NALF1: variants seen among roughly 807,000 people sequenced by gnomAD.
NALF1 encodes the protein family with sequence similarity 155 member A.
A neutral mutation model predicts 48.4 loss-of-function variants in NALF1; 3 were observed. The observed-to-expected ratio is 0.06, with a 90% CI of 0.03 to 0.16. The LOEUF (loss-of-function observed/expected upper bound fraction) is 0.16. Ranked by LOEUF, NALF1 falls within the 10% of genes least tolerant of loss-of-function variation. The pLI is 1.00. For synonymous variants in NALF1, 262 were observed against 245.7 expected (o/e 1.07, Z -0.62); for missense variants, 526 against 571.5 (o/e 0.92, Z 0.81).
rs1222271810 is a variant in NALF1, at chr13:107,753,449, T to TTGC, written c.915+112232_915+112233insGCA. Reference sequence around the variant, plus strand: ...ATCTTCTTTGTTGTTGTTGTTGTTGTACCAATGTAAATAGTGTGTTTGGTC... The same window carrying TTGC: ...ATCTTCTTTGTTGTTGTTGTTGTTGTTGCACCAATGTAAATAGTGTGTTTGGTC... On this transcript the variant is annotated intron_variant, in intron 1 of 2. Coordinates refer to ENST00000375915, the MANE Select transcript of NALF1 (RefSeq NM_001080396.3). 2.0e-5 allele frequency among the ~76,000 whole-genome samples: 3 copies of TTGC among 151,946 alleles called. No homozygotes were observed. In the East Asian group the frequency reaches 5.8e-4, roughly 29 times the overall value.
intron 1 of NALF1, among the ~76,000 whole-genome samples, chr13:107,653,751 T>C (rs1880505897): frequency 1.3e-5 from 2 of 151,860 alleles, no homozygotes; most frequent in Non-Finnish European, 2.9e-5. Context: ...GAGGTCAAAA[T>C]TACTTGACTC....
chr13:107,602,367 G>A (rs958178485), intron 1 of NALF1, among the ~76,000 whole-genome samples: 4 of 152,104 alleles, frequency 2.6e-5, no homozygotes, highest in Non-Finnish European at 2.9e-5. Flanking sequence ...AGGCACACTC[G>A]ACTAAAATAA....
chr13:107,592,518 G>A (rs1878627549), intron 1 of NALF1, among the ~76,000 whole-genome samples: 2 of 151,780 alleles, frequency 1.3e-5, no homozygotes, highest in African/African-American at 4.8e-5. Context: ...TAAGAAGAAG[G>A]GAAGTACTGG....
intron 1 of NALF1, among the ~76,000 whole-genome samples, chr13:107,462,627 A>T (rs962315535): frequency 8.5e-5 from 13 of 152,318 alleles, no homozygotes; most frequent in Admixed American, 7.2e-4. Context: ...GGCTCCTGGG[A>T]CATGCCCTCT....
chr13:107,360,908 G>A (rs1273007108), intron 1 of NALF1, among the ~76,000 whole-genome samples: 1 of 151,690 alleles, frequency 6.6e-6, no homozygotes, highest in Non-Finnish European at 1.5e-5. Flanking sequence ...GGCTAATAAA[G>A]CCTACTATTT....
chr13:107,311,563 G>T (rs1214803685), intron 1 of NALF1, among the ~76,000 whole-genome samples: 2 of 150,258 alleles, frequency 1.3e-5, no homozygotes, highest in Non-Finnish European at 3.0e-5. Context: ...TTTAATAAAT[G>T]ATATAATATA....
rs569310094 is a variant in NALF1, at chr13:107,261,176, C to T, written c.916-50421G>A. ...AATAAATACAAATGTTTTAAACTTA[C>T]AGTCCTGCTGTCTGAGGTTCCCAGG... On this transcript the variant is annotated intron_variant, in intron 1 of 2. Coordinates refer to ENST00000375915, the MANE Select transcript of NALF1 (RefSeq NM_001080396.3). 6.6e-5 allele frequency among the ~76,000 whole-genome samples: 10 copies of T among 152,346 alleles called. No individual in the cohort carries two copies. The South Asian group carries it at 1.7e-3, about 25-fold the overall frequency.
intron 1 of NALF1, among the ~76,000 whole-genome samples, chr13:107,275,276 C>G (rs1881257547): frequency 6.6e-6 from 1 of 152,026 alleles, no homozygotes; most frequent in Non-Finnish European, 1.5e-5. Flanking sequence ...AAACATCTCT[C>G]TAATGGGGTA....
rs965784452 is a variant in NALF1, at chr13:107,166,502, C to T, written c.*3995G>A. 3 of 152,266 alleles carry T rather than the reference C, an allele frequency of 2.0e-5. No individual in the cohort carries two copies. The highest frequency in any genetic ancestry group is 4.4e-5 in the Non-Finnish European group (3 of 68,026). 9.4% of individuals were successfully genotyped at this position (152,266 alleles called of 1,614,324 possible). ...ATAAAACAAAATGCAGCTTTCAGTT[C>T]TGTGTTGATTTAATGCTTTGAGTAG... On this transcript the variant is annotated 3_prime_UTR_variant, in exon 3 of 3. Coordinates refer to ENST00000375915, the MANE Select transcript of NALF1 (RefSeq NM_001080396.3).
intron 1 of NALF1, among the ~76,000 whole-genome samples, chr13:107,570,178 CTT>C (rs34262011): frequency 5.4e-5 from 8 of 149,388 alleles, no homozygotes; most frequent in South Asian, 2.1e-4. Flanking sequence ...AATGTATATG[CTT>C]TTTTTTTTCT....
chr13:107,363,911 G>A (rs1883107612), intron 1 of NALF1, among the ~76,000 whole-genome samples: 1 of 152,142 alleles, frequency 6.6e-6, no homozygotes, highest in African/African-American at 2.4e-5. Context: ...GTGATTGATA[G>A]GTAGCTTCTT....
At chr13:107,500,015 C>T (rs1323678) in intron 1 of NALF1, among the ~76,000 whole-genome samples, 1 of 151,908 alleles carries the variant, frequency 6.6e-6, no homozygotes, top group African/African-American at 2.4e-5. Context: ...CAAAACAGAT[C>T]ACACACAGTT....
At chr13:107,647,745 G>A (rs1031889372) in intron 1 of NALF1, among the ~76,000 whole-genome samples, 5 of 151,850 alleles carry the variant, frequency 3.3e-5, no homozygotes, top group South Asian at 2.1e-4. Context: ...TATAATTAAG[G>A]AATATTTATA....
intron 1 of NALF1, among the ~76,000 whole-genome samples, chr13:107,615,744 C>T (rs1594162950): frequency 6.6e-6 from 1 of 152,186 alleles, no homozygotes; most frequent in East Asian, 1.9e-4. Flanking sequence ...TTTTCTTTTA[C>T]ACTAGGTAGG....
chr13:107,205,727 T>A (rs1879626715), intron 2 of NALF1, among the ~76,000 whole-genome samples: 1 of 152,312 alleles, frequency 6.6e-6, no homozygotes, highest in South Asian at 2.1e-4. Flanking sequence ...ATTCCTTCAA[T>A]AATTTCCCTC....
At chr13:107,672,928 T>G (rs1165381453) in intron 1 of NALF1, among the ~76,000 whole-genome samples, 1 of 152,068 alleles carries the variant, frequency 6.6e-6, no homozygotes, top group Non-Finnish European at 1.5e-5. Context: ...CGCCCAATAC[T>G]TCCCTTTTCT....
intron 1 of NALF1, among the ~76,000 whole-genome samples, chr13:107,837,782 A>G (rs1879939769): frequency 6.6e-6 from 1 of 152,136 alleles, no homozygotes; most frequent in African/African-American, 2.4e-5. Flanking sequence ...GACGAGGATG[A>G]TGAATGAAAA....
At chr13:107,701,951 G>T (rs1212434938) in intron 1 of NALF1, among the ~76,000 whole-genome samples, 1 of 152,118 alleles carries the variant, frequency 6.6e-6, no homozygotes, top group Non-Finnish European at 1.5e-5. Flanking sequence ...GAGGGCTTCT[G>T]AAATTACACA....
intron 1 of NALF1, among the ~76,000 whole-genome samples, chr13:107,500,616 A>T (rs1319234912): frequency 1.3e-5 from 2 of 151,088 alleles, no homozygotes; most frequent in South Asian, 2.1e-4. Flanking sequence ...ATATACCCAA[A>T]GGACTATAAA....
Sources: gnomAD v4.1 joint callset for allele counts (sites outside exome capture counted in the v4.1 genomes callset) on GRCh38, gnomAD v4.1.1 for gene constraint, MANE v1.5 for transcripts, NCBI Gene and HGNC (gene_info 2026-07-23, HGNC 2026-07-21) for gene names.